Variants in CFAP100 observed in about 807,000 individuals in gnomAD.
CFAP100 encodes the protein cilia and flagella associated protein 100, also known as cilia- and flagella-associated protein 100.
Under a neutral mutation model 81.5 loss-of-function variants are expected in CFAP100, and 70 were observed. That is an observed-to-expected ratio of 0.86 (90% confidence interval 0.71 to 1.05). The LOEUF (loss-of-function observed/expected upper bound fraction) is 1.05. Ranked by LOEUF, CFAP100 falls within the 50% of genes least tolerant of loss-of-function variation. CFAP100 has a pLI of 0.00. For synonymous variants in CFAP100, 341 were observed against 314.8 expected (o/e 1.08, Z -0.88); for missense variants, 811 against 776.5 (o/e 1.04, Z -0.53).
At chr3:126,399,757 C>G (rs2082942733) in intron 2 of CFAP100, among the ~76,000 whole-genome samples, 1 of 152,180 alleles carries the variant, frequency 6.6e-6, no homozygotes, top group African/African-American at 2.4e-5. Context: ...ATGCTTGCAG[C>G]TTGCAGGGAA....
chr3:126,415,670 G>C (rs116432111), intron 4 of CFAP100, among the ~76,000 whole-genome samples: 5 of 152,266 alleles, frequency 3.3e-5, no homozygotes, highest in East Asian at 3.9e-4. Flanking sequence ...AGAGACTCCC[G>C]GGGCCGGTGC....
chr3:126,426,673 T>C (rs1932955136), intron 13 of CFAP100, among the ~76,000 whole-genome samples: 1 of 152,030 alleles, frequency 6.6e-6, no homozygotes, highest in Non-Finnish European at 1.5e-5. Flanking sequence ...TCACTTGAAC[T>C]TGGGAGGCGG....
At chr3:126,423,073 G>A (rs2083357543) in intron 11 of CFAP100, among the ~76,000 whole-genome samples, 3 of 152,310 alleles carry the variant, frequency 2.0e-5, no homozygotes, top group East Asian at 1.9e-4. Flanking sequence ...CGACAGGTCT[G>A]GAACATGGTT....
intron 13 of CFAP100, among the ~76,000 whole-genome samples, chr3:126,429,490 A>AT (rs1251536583): frequency 1.3e-5 from 2 of 149,764 alleles, no homozygotes; most frequent in Non-Finnish European, 3.0e-5. Flanking sequence ...CATTTTGTTC[A>AT]TTTTTTCTGT....
At chr3:126,431,565 GCTC>G (rs755386452) in intron 13 of CFAP100, among the ~76,000 whole-genome samples, 3 of 152,156 alleles carry the variant, frequency 2.0e-5, no homozygotes, top group Non-Finnish European at 4.4e-5. Flanking sequence ...GAATTCTGGA[GCTC>G]TGACAAAGAC....
At chr3:126,434,148 A>G in intron 14 of CFAP100, 28 bp from the exon 15 acceptor site, 1 of 1,585,142 alleles carries the variant, frequency 6.3e-7, no homozygotes, top group Non-Finnish European at 8.6e-7. Flanking sequence ...GCCTGCCAGC[A>G]CCCTGCTGGA....
At chr3:126,434,420 G>C in intron 15 of CFAP100, 39 bp downstream of exon 15, 1 of 1,589,868 alleles carries the variant, frequency 6.3e-7, no homozygotes, top group Non-Finnish European at 8.6e-7. Context: ...CTGTGTCCTG[G>C]CTGGCCCTGA....
intron 13 of CFAP100, 27 bp downstream of exon 13, chr3:126,423,671 G>A (rs1199303582): frequency 6.2e-7 from 1 of 1,613,200 alleles, no homozygotes; most frequent in East Asian, 2.2e-5. Context: ...GGCCAGTGGG[G>A]GCTCCCTGCC....
In CFAP100 at chr3:126,416,524, C is replaced by T. The variant is rs749563641; in HGVS notation, c.418+16C>T. On this transcript the variant is annotated intron_variant, in intron 5 of 16. Coordinates refer to ENST00000352312, the MANE Select transcript of CFAP100 (RefSeq NM_182628.3). Reference sequence around the variant, plus strand: ...TTGACCAAAGGTGCGTCCCCTCCGGCGCGGGGGGACCTGGGCCAGTGGCGT... The same window carrying T: ...TTGACCAAAGGTGCGTCCCCTCCGGTGCGGGGGGACCTGGGCCAGTGGCGT... The T allele has an allele frequency of 3.9e-6, 6 of 1,537,430 alleles. No homozygotes were observed. The African/African-American group carries it at 5.5e-5, about 14-fold the overall frequency.
At chr3:126,429,823 ACT>A (rs1249825109) in intron 13 of CFAP100, among the ~76,000 whole-genome samples, 1 of 151,220 alleles carries the variant, frequency 6.6e-6, no homozygotes, top group Non-Finnish European at 1.5e-5. Flanking sequence ...AACTTGTAGA[ACT>A]CTCTTTAGCA....
intron 11 of CFAP100, 125 bp downstream of exon 11, chr3:126,420,354 A>C: frequency 7.4e-7 from 1 of 1,348,506 alleles, no homozygotes. Context: ...TCCCTACTCC[A>C]AGAAGGGCCA....
In CFAP100 at chr3:126,435,540, G is replaced by A. The variant is rs1386309329; in HGVS notation, c.1629-19G>A. On this transcript the variant is annotated intron_variant, in intron 15 of 16. Coordinates refer to ENST00000352312, the MANE Select transcript of CFAP100 (RefSeq NM_182628.3). ...CTTCCAGGTCCCCCCAGTTTTCAAT[G>A]TCATTTCTTGCCACCCAGACTTCGA... 6 of 1,606,080 alleles carry A rather than the reference G, an allele frequency of 3.7e-6. 1 individual carries two copies. The highest frequency in any genetic ancestry group is 2.2e-5 in the South Asian group (2 of 90,470).
intron 13 of CFAP100, among the ~76,000 whole-genome samples, chr3:126,428,904 C>T (rs1263146936): frequency 3.3e-5 from 5 of 151,854 alleles, no homozygotes; most frequent in African/African-American, 4.8e-5. Context: ...GTCAGGAGTT[C>T]GAGACCAGCC....
intron 15 of CFAP100, among the ~76,000 whole-genome samples, chr3:126,435,255 G>A (rs1335140762): frequency 6.6e-6 from 1 of 152,126 alleles, no homozygotes; most frequent in African/African-American, 2.4e-5. Context: ...TGTAGATTCA[G>A]AGAAATGTGC....
intron 2 of CFAP100, among the ~76,000 whole-genome samples, 180 bp downstream of exon 2, chr3:126,396,229 C>T (rs1163011322): frequency 6.6e-6 from 1 of 152,190 alleles, no homozygotes; most frequent in Non-Finnish European, 1.5e-5. Flanking sequence ...AGCACCACCA[C>T]AAACTGGGGG....
chr3:126,413,981 C>T (rs1350558584), intron 3 of CFAP100, 104 bp from the exon 4 acceptor site: 20 of 784,052 alleles, frequency 2.6e-5, no homozygotes, highest in Non-Finnish European at 3.6e-5. Context: ...CCCACTCACT[C>T]ATGCTTTTCC....
At chr3:126,435,499 G>A (rs1455329818) in intron 15 of CFAP100, 60 bp from the exon 16 acceptor site, 4 of 1,432,450 alleles carry the variant, frequency 2.8e-6, no homozygotes, top group African/African-American at 1.4e-5. Context: ...GACTCCGTGT[G>A]GAGATTACAC....
Position 126,418,453 on chromosome 3 carries a change from A to G in CFAP100, c.419-5A>G. 1.9e-6 allele frequency: 3 copies of G among 1,613,950 alleles called. No homozygotes were observed. The highest frequency in any genetic ancestry group is 2.5e-6 in the Non-Finnish European group (3 of 1,179,970). On this transcript the variant is annotated splice_region_variant and splice_polypyrimidine_tract_variant and intron_variant, in intron 5 of 16. Coordinates refer to ENST00000352312, the MANE Select transcript of CFAP100 (RefSeq NM_182628.3). ...CTCCTGCTCACCTCCCTCTTCTTCC[A>G]GCAGAAAAGAATGTGGAGCCTGAGA...
intron 13 of CFAP100, among the ~76,000 whole-genome samples, chr3:126,425,748 G>T (rs1326077788): frequency 6.6e-6 from 1 of 152,190 alleles, no homozygotes; most frequent in Non-Finnish European, 1.5e-5. Context: ...TAGGTATGCA[G>T]GGCTGGTTCA....
Sources: gnomAD v4.1 joint callset for allele counts (sites outside exome capture counted in the v4.1 genomes callset) on GRCh38, gnomAD v4.1.1 for gene constraint, MANE v1.5 for transcripts, NCBI Gene and HGNC (gene_info 2026-07-23, HGNC 2026-07-21) for gene names.